GLYATL1B: variants seen among roughly 807,000 people sequenced by gnomAD.
The protein encoded by GLYATL1B is glycine-N-acyltransferase like 1B.
Under a neutral mutation model 5.5 loss-of-function variants are expected in GLYATL1B, and 6 were observed. The observed-to-expected ratio is 1.09, with a 90% CI of 0.60 to 2.15. The LOEUF (loss-of-function observed/expected upper bound fraction) is 2.15. GLYATL1B is among the 30% of genes most tolerant of loss of function. GLYATL1B has a pLI of 0.00. For missense variants in GLYATL1B, 135 were observed against 94.1 expected (o/e 1.43, Z -1.80); for synonymous variants, 67 against 34.9 (o/e 1.92, Z -3.24).
intron 1 of GLYATL1B, 32 bp downstream of exon 1, chr11:59,086,416 A>C (rs1859196812): frequency 2.5e-6 from 1 of 398,458 alleles, no homozygotes; most frequent in East Asian, 3.6e-5. Context: ...GGGGTATGGG[A>C]GTAGGGGTGT....
Position 59,088,078 on chromosome 11 carries a change from A to G in GLYATL1B, c.186+907A>G, listed in dbSNP as rs1236776830. 3.9e-5 allele frequency among the ~76,000 whole-genome samples: 6 copies of G among 152,202 alleles called. No homozygotes were observed. The South Asian group carries it at 1.0e-3, about 26-fold the overall frequency. On this transcript the variant is annotated intron_variant, in intron 2 of 4. Transcript: ENST00000527482. ...ATTCCCCAATCTGAATTCAAGTTCA[A>G]CGGACTCTGCCACTTTTACTAGCTA...
At chr11:59,091,249 G>T (rs548375) in intron 2 of GLYATL1B, among the ~76,000 whole-genome samples, 134 of 150,782 alleles carry the variant, frequency 8.9e-4, no homozygotes, top group South Asian at 1.7e-3. Flanking sequence ...ATTTTCATCT[G>T]TTACCAAAGT....
chr11:59,087,302 C>A lies in GLYATL1B; in HGVS notation c.186+131C>A, dbSNP rs576995971. ...AGTATTTTAAAACACTCCTTCAGTA[C>A]TGGGCAGCTTGCGTGAGTGCCACAT... On this transcript the variant is annotated intron_variant, in intron 2 of 4. Transcript: ENST00000527482. 508 of 408,232 alleles carry A rather than the reference C, an allele frequency of 1.2e-3. 1 individual carries two copies. Among genetic ancestry groups the A allele is most frequent in the African/African-American group, 7.9e-3 (391 of 49,206 alleles). 25.3% of individuals were successfully genotyped at this position (408,232 alleles called of 1,614,324 possible).
intron 2 of GLYATL1B, among the ~76,000 whole-genome samples, chr11:59,090,445 G>A (rs1009602992): frequency 6.6e-6 from 1 of 151,744 alleles, no homozygotes; most frequent in Non-Finnish European, 1.5e-5. Flanking sequence ...TTCAGTTTCT[G>A]TTCTATGCCA....
intron 2 of GLYATL1B, among the ~76,000 whole-genome samples, chr11:59,092,892 C>A (rs911547664): frequency 6.6e-6 from 1 of 152,218 alleles, no homozygotes; most frequent in Non-Finnish European, 1.5e-5. Context: ...ACTAAAGTAT[C>A]TTGCTCAAAC....
intron 2 of GLYATL1B, among the ~76,000 whole-genome samples, chr11:59,088,740 T>G (rs1170980691): frequency 6.6e-6 from 1 of 152,088 alleles, no homozygotes; most frequent in Non-Finnish European, 1.5e-5. Flanking sequence ...TATTAAAATA[T>G]AAAAGTTCCA....
intron 2 of GLYATL1B, among the ~76,000 whole-genome samples, chr11:59,092,257 TA>T (rs1859330873): frequency 6.6e-6 from 1 of 152,132 alleles, no homozygotes; most frequent in Non-Finnish European, 1.5e-5. Flanking sequence ...TTTTGCCATT[TA>T]AAAATGAACT....
Position 59,093,945 on chromosome 11 carries a change from A to T in GLYATL1B, c.325A>T (p.Ser109Cys). 3.0e-6 allele frequency: 2 copies of T among 673,920 alleles called. No individual in the cohort carries two copies. Among genetic ancestry groups the T allele is most frequent in the Non-Finnish European group, 5.4e-6 (2 of 373,816 alleles). 41.7% of individuals were successfully genotyped at this position (673,920 alleles called of 1,614,324 possible). ...TGGCTTTCTCTCAGGTTTTCAAGAA[A>T]GTTTAGGTGAGGGGATAAGAGCAGC... is the stretch of plus-strand genomic sequence containing the variant. ...QKLQIQGFQE[S>C]LGEGIRAAAF... Residue 109 changes from serine (S) to cysteine (C), a missense_variant, in exon 4 of 5, where the codon AGT becomes TGT. Coordinates refer to ENST00000527482, the MANE Select transcript of GLYATL1B (RefSeq NM_001355566.1).
intron 2 of GLYATL1B, among the ~76,000 whole-genome samples, chr11:59,090,965 T>C (rs553952055): frequency 1.3e-5 from 2 of 152,292 alleles, no homozygotes; most frequent in Admixed American, 1.3e-4. Flanking sequence ...TCATAGAAAT[T>C]ATATTTAGAA....
intron 2 of GLYATL1B, among the ~76,000 whole-genome samples, chr11:59,092,738 C>T (rs995393207): frequency 6.6e-6 from 1 of 152,202 alleles, no homozygotes; most frequent in Non-Finnish European, 1.5e-5. Context: ...TCTAACACCA[C>T]ATAAATTGCG....
intron 2 of GLYATL1B, among the ~76,000 whole-genome samples, chr11:59,092,664 C>G (rs1410801190): frequency 6.6e-6 from 1 of 152,194 alleles, no homozygotes; most frequent in Non-Finnish European, 1.5e-5. Context: ...AGATACTCAT[C>G]GTCCCATGAA....
At chr11:59,089,272 T>C (rs1366483272) in intron 2 of GLYATL1B, among the ~76,000 whole-genome samples, 1 of 152,232 alleles carries the variant, frequency 6.6e-6, no homozygotes, top group Non-Finnish European at 1.5e-5. Context: ...TGGGTTCAAA[T>C]TGTTCATACT....
intron 2 of GLYATL1B, 116 bp from the exon 3 acceptor site, chr11:59,093,413 A>G (rs1195951233): frequency 5.0e-6 from 2 of 400,868 alleles, no homozygotes; most frequent in Non-Finnish European, 8.9e-6. Context: ...AACTGCAGCC[A>G]TCGTGGGCTA....
rs934870191 is a variant in GLYATL1B, at chr11:59,093,594, A to G, written c.252A>G (p.Lys84=). ...GTGTATTCTCCAAAGACCCTCAAAA[A>G]TCACAAGAAGTTTTGAAAAATTCTG... is the stretch of plus-strand genomic sequence containing the variant. ...VYRVFSKDPQ[K]SQEVLKNSEI... is the part of the protein sequence containing the mutation. Residue 84 remains lysine, a synonymous_variant, in exon 3 of 5, where the codon AAA becomes AAG. Transcript: ENST00000527482. 1.4e-5 allele frequency: 7 copies of G among 490,252 alleles called. No homozygotes were observed. The highest frequency in any genetic ancestry group is 2.2e-5 in the Non-Finnish European group (6 of 270,242). 30.4% of individuals were successfully genotyped at this position (490,252 alleles called of 1,614,324 possible).
At chr11:59,091,504 C>A (rs1859309528) in intron 2 of GLYATL1B, among the ~76,000 whole-genome samples, 1 of 152,152 alleles carries the variant, frequency 6.6e-6, no homozygotes, top group African/African-American at 2.4e-5. Context: ...TTCCCTCCAC[C>A]CTCTAGAGTC....
At chr11:59,094,160 T>C in intron 4 of GLYATL1B, 49 bp downstream of exon 4, 2 of 536,586 alleles carry the variant, frequency 3.7e-6, no homozygotes, top group Admixed American at 3.3e-5. Context: ...CCTTGTACAT[T>C]TTTGTAATTC....
intron 2 of GLYATL1B, among the ~76,000 whole-genome samples, chr11:59,088,434 C>T (rs868390189): frequency 6.6e-6 from 1 of 152,216 alleles, no homozygotes; most frequent in African/African-American, 2.4e-5. Flanking sequence ...AGACACTGAG[C>T]CCCCACATAA....
chr11:59,094,609 G>C lies in GLYATL1B; in HGVS notation c.732G>C (p.Gly244=). ...AAAAATACCGAAGGAGAGGCAATGG[G>C]ACACGGCTGATCATGCGATGCATGA... ...SVEKYRRRGN[G]TRLIMRCMKY... is the part of the protein sequence containing the mutation. Residue 244 remains glycine (G), a synonymous_variant, in exon 5 of 5, where the codon GGG becomes GGC. Coordinates refer to ENST00000527482, the MANE Select transcript of GLYATL1B (RefSeq NM_001355566.1). 1 of 461,358 alleles carries C rather than the reference G, an allele frequency of 2.2e-6. No individual in the cohort carries two copies. Among genetic ancestry groups the C allele is most frequent in the Non-Finnish European group, 3.9e-6 (1 of 255,584 alleles). The allele number at this position is 461,358 out of a possible 1,614,324, so 28.6% of individuals were successfully genotyped here.
intron 2 of GLYATL1B, among the ~76,000 whole-genome samples, chr11:59,087,848 G>A (rs1339088341): frequency 6.6e-6 from 1 of 152,078 alleles, no homozygotes; most frequent in African/African-American, 2.4e-5. Context: ...ACCCTGTCAT[G>A]AAAACAATAA....
Sources: allele counts gnomAD v4.1 joint callset (sites outside exome capture counted in the v4.1 genomes callset), GRCh38; gene constraint gnomAD v4.1.1; transcripts MANE v1.5; gene names NCBI Gene and HGNC (gene_info 2026-07-23, HGNC 2026-07-21).